Variants in CORO2A observed in about 807,000 individuals in gnomAD.
CORO2A encodes the protein coronin 2A.
Under a neutral mutation model 62.4 loss-of-function variants are expected in CORO2A, and 47 were observed. The ratio of observed to expected loss-of-function variants is 0.75; its 90% CI spans 0.60 to 0.96. The LOEUF (loss-of-function observed/expected upper bound fraction) is 0.96, where lower values mean the gene tolerates loss of function less well. Ranked by LOEUF, CORO2A falls within the 40% of genes least tolerant of loss-of-function variation. The pLI is 0.00. For synonymous variants in CORO2A, 273 were observed against 268.9 expected, an observed-to-expected ratio of 1.02 and a Z score of -0.15; for missense variants, 610 against 684.1, an observed-to-expected ratio of 0.89 and a Z score of 1.21.
chr9:98,130,138 G>C (rs1327708420), intron 7 of CORO2A, among the ~76,000 whole-genome samples: 5 of 152,080 alleles, frequency 3.3e-5, no homozygotes, highest in African/African-American at 1.2e-4. Flanking sequence ...CCAGGCTGGA[G>C]AGCAGTAGTG....
intron 11 of CORO2A, among the ~76,000 whole-genome samples, chr9:98,125,849 C>A (rs549793921): frequency 7.9e-4 from 119 of 150,430 alleles, no homozygotes; most frequent in African/African-American, 2.8e-3. Context: ...TCCAGAGTAG[C>A]TGGGACTACA....
At chr9:98,175,579 C>T (rs1828097121) in intron 1 of CORO2A, among the ~76,000 whole-genome samples, 1 of 152,208 alleles carries the variant, frequency 6.6e-6, no homozygotes, top group Non-Finnish European at 1.5e-5. Flanking sequence ...TGGGCATGGG[C>T]ATCCCTGCCT....
In CORO2A at chr9:98,158,014, C is replaced by T. The variant is rs964006079; in HGVS notation, c.1-354G>A. 9.2e-5 allele frequency among the ~76,000 whole-genome samples: 14 copies of T among 152,320 alleles called. No homozygotes were observed. The East Asian group carries it at 9.6e-4, about 10-fold the overall frequency. On this transcript the variant is annotated intron_variant, in intron 1 of 11. Transcript: ENST00000375077. ...ACCAGACAGCCCAGTACCCTCAGCC[C>T]GACTAAGTAGGTACCAATGTGCTGT...
At chr9:98,129,664 C>T (rs1827376466) in intron 8 of CORO2A, 130 bp downstream of exon 8, 1 of 714,618 alleles carries the variant, frequency 1.4e-6, no homozygotes, top group Non-Finnish European at 2.5e-6. Context: ...TGTTGCTATG[C>T]TGTCTCTCCT....
chr9:98,158,859 A>C (rs939281962), intron 1 of CORO2A, among the ~76,000 whole-genome samples: 3 of 150,306 alleles, frequency 2.0e-5, no homozygotes, highest in Non-Finnish European at 3.0e-5. Flanking sequence ...ACACACACAC[A>C]CCATGTATAT....
At chr9:98,162,444 C>T (rs1171233635) in intron 1 of CORO2A, among the ~76,000 whole-genome samples, 1 of 152,242 alleles carries the variant, frequency 6.6e-6, no homozygotes, top group Admixed American at 6.5e-5. Flanking sequence ...CAGTGCCCTT[C>T]TGTCCGTCCC....
chr9:98,173,517 G>A (rs1828067291), intron 1 of CORO2A, among the ~76,000 whole-genome samples: 1 of 151,498 alleles, frequency 6.6e-6, no homozygotes, highest in Non-Finnish European at 1.5e-5. Flanking sequence ...TGGCCACTGC[G>A]GCTCTGCTCC....
At chr9:98,159,931 C>T (rs897356143) in intron 1 of CORO2A, among the ~76,000 whole-genome samples, 3 of 152,186 alleles carry the variant, frequency 2.0e-5, no homozygotes, top group Non-Finnish European at 4.4e-5. Flanking sequence ...GCTCACCCAG[C>T]CCACACGGCT....
chr9:98,168,705 C>T (rs994811542), intron 1 of CORO2A, among the ~76,000 whole-genome samples: 1 of 152,226 alleles, frequency 6.6e-6, no homozygotes, highest in Non-Finnish European at 1.5e-5. Context: ...GTGTACAAGA[C>T]ACTGAGATGT....
chr9:98,148,648 G>GT (rs1173692476), intron 2 of CORO2A, among the ~76,000 whole-genome samples: 18 of 151,862 alleles, frequency 1.2e-4, no homozygotes, highest in Admixed American at 2.0e-4. Flanking sequence ...GGAGGCTGCC[G>GT]TAAGAGGATT....
intron 2 of CORO2A, among the ~76,000 whole-genome samples, chr9:98,144,207 AG>A (rs1025646826): frequency 8.7e-5 from 13 of 149,828 alleles, no homozygotes; most frequent in African/African-American, 3.0e-4. Flanking sequence ...AAAAAAAAAA[AG>A]CTTTTCTTTA....
At chr9:98,190,019 G>C (rs1564223388) in intron 1 of CORO2A, among the ~76,000 whole-genome samples, 1 of 152,156 alleles carries the variant, frequency 6.6e-6, no homozygotes, top group East Asian at 1.9e-4. Flanking sequence ...CGAGTAGCTG[G>C]GATTACAGGC....
intron 1 of CORO2A, among the ~76,000 whole-genome samples, chr9:98,166,626 A>T (rs1000147714): frequency 2.6e-5 from 4 of 152,210 alleles, no homozygotes; most frequent in African/African-American, 9.7e-5. Flanking sequence ...CAAAAATTTA[A>T]AAATAGAACG....
intron 1 of CORO2A, among the ~76,000 whole-genome samples, chr9:98,170,851 C>A (rs1200792363): frequency 6.6e-6 from 1 of 152,180 alleles, no homozygotes; most frequent in Non-Finnish European, 1.5e-5. Flanking sequence ...CTGCCCTGCC[C>A]ACCTGTTAGG....
chr9:98,167,738 G>A (rs913940463), intron 1 of CORO2A, among the ~76,000 whole-genome samples: 1 of 152,218 alleles, frequency 6.6e-6, no homozygotes, highest in Non-Finnish European at 1.5e-5. Context: ...ATAATACTGT[G>A]CTTATATTAG....
At chr9:98,182,399 G>T (rs994057724) in intron 1 of CORO2A, among the ~76,000 whole-genome samples, 29 of 152,276 alleles carry the variant, frequency 1.9e-4, no homozygotes, top group African/African-American at 7.0e-4. Flanking sequence ...GATGAGGCTA[G>T]TGACCCTGCC....
At chr9:98,168,510 A>G (rs1326297472) in intron 1 of CORO2A, among the ~76,000 whole-genome samples, 1 of 152,260 alleles carries the variant, frequency 6.6e-6, no homozygotes, top group Non-Finnish European at 1.5e-5. Context: ...AACTTGCCTA[A>G]GATCACATAG....
intron 2 of CORO2A, among the ~76,000 whole-genome samples, chr9:98,151,590 T>C (rs184555988): frequency 9.5e-4 from 144 of 152,338 alleles, no homozygotes; most frequent in African/African-American, 3.3e-3. Context: ...GGGTTCTATG[T>C]AGACAATTAT....
intron 1 of CORO2A, among the ~76,000 whole-genome samples, chr9:98,167,735 T>G (rs1257875102): frequency 6.6e-6 from 1 of 152,244 alleles, no homozygotes; most frequent in Non-Finnish European, 1.5e-5. Context: ...GTAATAATAC[T>G]GTGCTTATAT....
Sources: gnomAD v4.1 joint callset for allele counts (sites outside exome capture counted in the v4.1 genomes callset) on GRCh38, gnomAD v4.1.1 for gene constraint, MANE v1.5 for transcripts, NCBI Gene and HGNC (gene_info 2026-07-23, HGNC 2026-07-21) for gene names.